TBC1D5: variants seen among roughly 807,000 people sequenced by gnomAD.
TBC1D5 encodes the protein TBC1 domain family member 5, also known as TBC1 domain family, member 5.
TBC1D5 carries 75 observed loss-of-function variants against 100.3 expected under a neutral mutation model. The observed-to-expected ratio is 0.75, with a 90% CI of 0.62 to 0.91. The LOEUF (loss-of-function observed/expected upper bound fraction) is 0.91. TBC1D5 is among the 40% of genes least tolerant of loss of function. The pLI is 0.00. For missense variants in TBC1D5, 910 were observed against 942.4 expected, an observed-to-expected ratio of 0.97 and a Z score of 0.45; for synonymous variants, 323 against 325.6, an observed-to-expected ratio of 0.99 and a Z score of 0.09.
chr3:17,669,134 G>C (rs894571117), intron 1 of TBC1D5, among the ~76,000 whole-genome samples: 1 of 152,150 alleles, frequency 6.6e-6, no homozygotes, highest in African/African-American at 2.4e-5. Flanking sequence ...TAGTGAGTGA[G>C]TTCTCATCAG....
At chr3:17,646,714 A>C in intron 1 of TBC1D5, among the ~76,000 whole-genome samples, 1 of 152,074 alleles carries the variant, frequency 6.6e-6, no homozygotes, top group East Asian at 1.9e-4. Context: ...CTAAAATGCT[A>C]ATCTGACCAC....
intron 2 of TBC1D5, among the ~76,000 whole-genome samples, chr3:17,592,239 G>A (rs547579656): frequency 2.6e-5 from 4 of 152,264 alleles, no homozygotes; most frequent in African/African-American, 9.6e-5. Context: ...GAGAGATTTC[G>A]ACAGCTTTTT....
intron 2 of TBC1D5, among the ~76,000 whole-genome samples, chr3:17,560,939 T>C (rs1379577338): frequency 1.3e-5 from 2 of 148,272 alleles, no homozygotes; most frequent in Non-Finnish European, 3.0e-5. Context: ...AAAAGAAAAA[T>C]AGTTTTTTTA....
chr3:17,223,900 AAAAACAAAACAAAACAAAAC>A (rs142249829), intron 17 of TBC1D5, among the ~76,000 whole-genome samples: 1 of 150,548 alleles, frequency 6.6e-6, no homozygotes, highest in African/African-American at 2.4e-5. Flanking sequence ...TCTGTCTCAA[AAAAACAAAACAAAACAAAAC>A]AAAACAAAAC....
At chr3:17,512,831 T>C (rs1024583514) in intron 2 of TBC1D5, among the ~76,000 whole-genome samples, 1 of 152,196 alleles carries the variant, frequency 6.6e-6, no homozygotes, top group African/African-American at 2.4e-5. Context: ...AATTCCCATT[T>C]AAAATGCAAG....
chr3:17,462,189 T>C (rs1229150011), intron 3 of TBC1D5, among the ~76,000 whole-genome samples: 3 of 152,248 alleles, frequency 2.0e-5, no homozygotes, highest in African/African-American at 4.8e-5. Flanking sequence ...TGGTTTTTGT[T>C]TGACTGTTTA....
intron 8 of TBC1D5, among the ~76,000 whole-genome samples, chr3:17,401,359 T>A: frequency 8.4e-6 from 1 of 119,152 alleles, no homozygotes; most frequent in African/African-American, 4.0e-5. Context: ...CATATATATG[T>A]ATGTGTATAA....
At chr3:17,546,572 T>C (rs1452842834) in intron 2 of TBC1D5, among the ~76,000 whole-genome samples, 1 of 151,042 alleles carries the variant, frequency 6.6e-6, no homozygotes, top group Non-Finnish European at 1.5e-5. Context: ...GAAACCAACC[T>C]GGGCAACACG....
intron 13 of TBC1D5, among the ~76,000 whole-genome samples, chr3:17,321,657 T>C (rs568403171): frequency 6.6e-6 from 1 of 152,356 alleles, no homozygotes; most frequent in South Asian, 2.1e-4. Context: ...CGTTATTTTC[T>C]AGGAATTTTG....
chr3:17,479,100 T>C (rs536549340), intron 3 of TBC1D5, among the ~76,000 whole-genome samples: 20 of 152,306 alleles, frequency 1.3e-4, no homozygotes, highest in African/African-American at 4.8e-4. Context: ...TAGATATATG[T>C]CATCTGAAAA....
At chr3:17,297,863 T>C (rs2150302418) in intron 14 of TBC1D5, among the ~76,000 whole-genome samples, 1 of 152,182 alleles carries the variant, frequency 6.6e-6, no homozygotes, top group South Asian at 2.1e-4. Context: ...GTGCTGGGAT[T>C]ACAGGCATGA....
chr3:17,406,363 G>C, intron 5 of TBC1D5, 55 bp downstream of exon 5: 1 of 1,481,528 alleles, frequency 6.7e-7, no homozygotes, highest in African/African-American at 1.4e-5. Context: ...CAGGGCATCA[G>C]GTAATGTGTT....
Position 17,608,488 on chromosome 3 carries a change from C to T in TBC1D5, c.-36+15361G>A, listed in dbSNP as rs115381827. Among the ~76,000 whole-genome samples, 797 of 152,224 alleles carry T rather than the reference C, an allele frequency of 5.2e-3. 2 individuals are homozygous for T. The highest frequency in any genetic ancestry group is 9.3e-3 in the Non-Finnish European group (630 of 68,018). On this transcript the variant is annotated intron_variant, in intron 2 of 21. Coordinates refer to ENST00000253692, the Ensembl canonical transcript of TBC1D5. ...ATTCAGAAGCTTTGGTGAATATATA[C>T]GTAAAAATTAGGTTCCTGATTTTCA...
chr3:17,206,691 C>T (rs962634659), intron 18 of TBC1D5, among the ~76,000 whole-genome samples: 2 of 152,148 alleles, frequency 1.3e-5, no homozygotes, highest in African/African-American at 2.4e-5. Flanking sequence ...GGGAGTATCT[C>T]ATTATGCATC....
chr3:17,306,922 C>A (rs974891052), intron 14 of TBC1D5, among the ~76,000 whole-genome samples: 3 of 152,156 alleles, frequency 2.0e-5, no homozygotes, highest in African/African-American at 7.2e-5. Flanking sequence ...ATGATTAGAT[C>A]TGGCTCAGAA....
At chr3:17,247,535 A>G (rs1400587981) in intron 16 of TBC1D5, among the ~76,000 whole-genome samples, 3 of 152,178 alleles carry the variant, frequency 2.0e-5, no homozygotes, top group Non-Finnish European at 2.9e-5. Context: ...TCTTGTCTCA[A>G]TGTTGATGGC....
At position 17,234,746 on chromosome 3, in the gene TBC1D5, T is replaced by C. The variant is rs1200558942; in HGVS notation, c.1588+3417A>G. Among the ~76,000 whole-genome samples the C allele has an allele frequency of 7.9e-5, 12 of 152,190 alleles. No homozygotes were observed. In the South Asian group the frequency reaches 2.1e-3, roughly 26 times the overall value. Reference sequence around the variant, plus strand: ...TGACTTGTTTCCCCTTGAGCTTTTATATAATATATACAGTAGTAAAAAAAA... The same window carrying C: ...TGACTTGTTTCCCCTTGAGCTTTTACATAATATATACAGTAGTAAAAAAAA... On this transcript the variant is annotated intron_variant, in intron 17 of 21. Transcript: ENST00000253692.
intron 4 of TBC1D5, 73 bp downstream of exon 4, chr3:17,428,377 A>C (rs2094381894): frequency 2.0e-6 from 1 of 488,284 alleles, no homozygotes; most frequent in Non-Finnish European, 3.0e-6. Flanking sequence ...TATCTTATAC[A>C]TTATCTTATA....
At chr3:17,457,087 TA>T (rs1373298258) in intron 3 of TBC1D5, among the ~76,000 whole-genome samples, 1 of 152,152 alleles carries the variant, frequency 6.6e-6, no homozygotes, top group Non-Finnish European at 1.5e-5. Flanking sequence ...CAATATATAG[TA>T]TTTTTTTCTA....
Sources: allele counts gnomAD v4.1 joint callset (sites outside exome capture counted in the v4.1 genomes callset), GRCh38; gene constraint gnomAD v4.1.1; transcripts MANE v1.5; gene names NCBI Gene and HGNC (gene_info 2026-07-23, HGNC 2026-07-21).